The following SGCZ variants were observed in gnomAD, a reference collection of about 807,000 sequenced individuals.
SGCZ encodes the protein zeta-sarcoglycan.
Under a neutral mutation model 41.3 loss-of-function variants are expected in SGCZ, and 40 were observed. That is an observed-to-expected ratio of 0.97 (90% CI 0.75 to 1.26). The LOEUF is 1.26. SGCZ is among the 50% of genes most tolerant of loss of function. The pLI, the probability that SGCZ is intolerant of heterozygous loss-of-function variation, is 0.00. For missense variants in SGCZ, 552 were observed against 369.8 expected, an observed-to-expected ratio of 1.49 and a Z score of -4.04; for synonymous variants, 206 against 137.5, an observed-to-expected ratio of 1.50 and a Z score of -3.49.
intron 5 of SGCZ, among the ~76,000 whole-genome samples, chr8:14,115,397 C>G (rs1189911012): frequency 1.3e-5 from 2 of 151,816 alleles, no homozygotes; most frequent in East Asian, 3.9e-4. Flanking sequence ...ATGCATTAAC[C>G]TATTTGATAG....
At chr8:14,926,687 C>G (rs1563368318) in intron 1 of SGCZ, among the ~76,000 whole-genome samples, 3 of 151,986 alleles carry the variant, frequency 2.0e-5, no homozygotes, top group Non-Finnish European at 4.4e-5. Context: ...TGTTGCCAGA[C>G]TGGAGTGCAG....
At chr8:15,010,531 G>C (rs1297608750) in intron 1 of SGCZ, among the ~76,000 whole-genome samples, 1 of 152,082 alleles carries the variant, frequency 6.6e-6, no homozygotes, top group Non-Finnish European at 1.5e-5. Flanking sequence ...TTCTGATTAA[G>C]ACAAAATCCA....
intron 4 of SGCZ, among the ~76,000 whole-genome samples, chr8:14,192,287 T>C (rs2117049465): frequency 6.6e-6 from 1 of 152,136 alleles, no homozygotes; most frequent in Admixed American, 6.5e-5. Context: ...TAGTAAAGAA[T>C]ACTGCTGTAT....
chr8:14,543,953 A>ATGGG (rs1803546869), intron 2 of SGCZ, among the ~76,000 whole-genome samples: 1 of 152,218 alleles, frequency 6.6e-6, no homozygotes, highest in Admixed American at 6.6e-5. Flanking sequence ...GCCCATCACC[A>ATGGG]GTGTTTGTGA....
In SGCZ at chr8:15,161,896, G is replaced by A. The variant is rs528373211; in HGVS notation, c.39+75689C>T. ...TAAAAATTACAAAAATTAGCTGGGCGTGGGGGTGCACACCTGTAGTCCCAG... is the reference window on the plus strand; with the variant it reads ...TAAAAATTACAAAAATTAGCTGGGCATGGGGGTGCACACCTGTAGTCCCAG... On this transcript the variant is annotated intron_variant, in intron 1 of 7. Coordinates refer to ENST00000382080, the MANE Select transcript of SGCZ (RefSeq NM_139167.4). 2.1e-4 allele frequency among the ~76,000 whole-genome samples: 32 copies of A among 152,166 alleles called. No homozygotes were observed. In the South Asian group the frequency reaches 5.2e-3, roughly 25 times the overall value.
At chr8:14,368,610 A>G (rs1669733591) in intron 2 of SGCZ, among the ~76,000 whole-genome samples, 1 of 152,072 alleles carries the variant, frequency 6.6e-6, no homozygotes, top group South Asian at 2.1e-4. Flanking sequence ...AGAGCTTTGC[A>G]TTATAAGGCA....
At chr8:14,308,542 C>A (rs933899180) in intron 3 of SGCZ, among the ~76,000 whole-genome samples, 1 of 151,664 alleles carries the variant, frequency 6.6e-6, no homozygotes, top group South Asian at 2.1e-4. Flanking sequence ...GAAGAAAGAC[C>A]CCCTTGCCCC....
At chr8:14,223,104 C>G (rs563985874) in intron 4 of SGCZ, among the ~76,000 whole-genome samples, 2 of 151,996 alleles carry the variant, frequency 1.3e-5, no homozygotes, top group Admixed American at 1.3e-4. Flanking sequence ...GCCATTGCCC[C>G]CGGCCCGTCA....
At chr8:14,711,204 C>A (rs1023180986) in intron 1 of SGCZ, among the ~76,000 whole-genome samples, 1 of 152,050 alleles carries the variant, frequency 6.6e-6, no homozygotes, top group Non-Finnish European at 1.5e-5. Flanking sequence ...AAATTATGTA[C>A]AAATGTAACA....
chr8:15,080,334 T>C (rs905099951), intron 1 of SGCZ, among the ~76,000 whole-genome samples: 1 of 152,060 alleles, frequency 6.6e-6, no homozygotes, highest in African/African-American at 2.4e-5. Flanking sequence ...TGTGGGTCAA[T>C]CTGACCTAAC....
At chr8:14,727,885 G>A (rs2130221331) in intron 1 of SGCZ, among the ~76,000 whole-genome samples, 1 of 152,210 alleles carries the variant, frequency 6.6e-6, no homozygotes, top group Admixed American at 6.5e-5. Context: ...AGTTATTTGT[G>A]TTATACACAT....
intron 3 of SGCZ, among the ~76,000 whole-genome samples, chr8:14,273,065 TACAATTTC>T (rs1800114365): frequency 6.6e-6 from 1 of 152,086 alleles, no homozygotes; most frequent in Admixed American, 6.5e-5. Flanking sequence ...AAATTTTGTA[TACAATTTC>T]TTAATTTTTC....
chr8:14,143,195 C>T (rs757355009), intron 5 of SGCZ, among the ~76,000 whole-genome samples: 2 of 152,020 alleles, frequency 1.3e-5, no homozygotes, highest in African/African-American at 2.4e-5. Flanking sequence ...TTTTTAAAAA[C>T]CTATAGCAAA....
intron 2 of SGCZ, among the ~76,000 whole-genome samples, chr8:14,519,611 T>C (rs192402561): frequency 6.8e-4 from 103 of 152,238 alleles, no homozygotes; most frequent in African/African-American, 2.3e-3. Flanking sequence ...TAAGAATCAA[T>C]GAAGAATGGA....
At chr8:14,456,985 G>C (rs1025978541) in intron 2 of SGCZ, among the ~76,000 whole-genome samples, 1 of 152,144 alleles carries the variant, frequency 6.6e-6, no homozygotes, top group Admixed American at 6.5e-5. Flanking sequence ...AGGCCTCCCA[G>C]AAGCAGATGC....
At chr8:14,247,436 G>A (rs1248745270) in intron 3 of SGCZ, among the ~76,000 whole-genome samples, 1 of 152,148 alleles carries the variant, frequency 6.6e-6, no homozygotes, top group Non-Finnish European at 1.5e-5. Context: ...GGAATCTGGG[G>A]TAATCTATCA....
intron 1 of SGCZ, among the ~76,000 whole-genome samples, chr8:14,826,943 A>AT (rs1392416685): frequency 6.6e-6 from 1 of 151,878 alleles, no homozygotes; most frequent in Non-Finnish European, 1.5e-5. Flanking sequence ...GTTTAATTAG[A>AT]TCCCATTTGT....
intron 2 of SGCZ, among the ~76,000 whole-genome samples, chr8:14,347,886 A>C (rs1460977047): frequency 2.0e-5 from 3 of 152,158 alleles, no homozygotes; most frequent in Non-Finnish European, 4.4e-5. Flanking sequence ...CAAGTGCCTC[A>C]GCTTTAAAAT....
chr8:14,474,857 G>A (rs945649985), intron 2 of SGCZ, among the ~76,000 whole-genome samples: 1 of 152,020 alleles, frequency 6.6e-6, no homozygotes, highest in Non-Finnish European at 1.5e-5. Flanking sequence ...CTTTAATCTT[G>A]CAAATGCATC....
Sources: allele counts gnomAD v4.1 joint callset (sites outside exome capture counted in the v4.1 genomes callset), GRCh38; gene constraint gnomAD v4.1.1; transcripts MANE v1.5; gene names NCBI Gene and HGNC (gene_info 2026-07-23, HGNC 2026-07-21).